The following ADGRL4 variants were observed in gnomAD, a reference collection of about 807,000 sequenced individuals.
ADGRL4 encodes the protein adhesion G protein-coupled receptor L4.
A neutral mutation model predicts 74.8 loss-of-function variants in ADGRL4; 90 were observed. The observed-to-expected ratio is 1.20, with a 90% CI of 1.02 to 1.43. The LOEUF is 1.43. Among genes scored for constraint, ADGRL4 ranks in the 40% most tolerant of loss-of-function variants. The pLI is 0.00. For missense variants in ADGRL4, 881 were observed against 814.3 expected (o/e 1.08, Z -1.00); for synonymous variants, 311 against 279.2 (o/e 1.11, Z -1.14).
chr1:78,931,220 A>G (rs1033273896), intron 7 of ADGRL4, among the ~76,000 whole-genome samples: 1 of 150,816 alleles, frequency 6.6e-6, no homozygotes, highest in Non-Finnish European at 1.5e-5. Context: ...TCATCAGACT[A>G]AGAATGGACC....
chr1:79,002,725 C>A (rs1466674610), intron 2 of ADGRL4, among the ~76,000 whole-genome samples: 1 of 151,860 alleles, frequency 6.6e-6, no homozygotes, highest in East Asian at 1.9e-4. Context: ...GACTATAAGG[C>A]CTCTGTTAAT....
At chr1:78,923,838 C>T (rs1649051473) in intron 8 of ADGRL4, among the ~76,000 whole-genome samples, 2 of 151,658 alleles carry the variant, frequency 1.3e-5, no homozygotes, top group Non-Finnish European at 2.9e-5. Flanking sequence ...ATTAGAAGCT[C>T]TGCTGGGAAG....
rs190827624 is a variant in ADGRL4, at chr1:78,902,531, G to T, written c.1750-9342C>A. Among the ~76,000 whole-genome samples, 543 of 152,214 alleles carry T rather than the reference G, an allele frequency of 3.6e-3. 2 individuals are homozygous for T. Among genetic ancestry groups the T allele is most frequent in the Admixed American group, 6.9e-3 (106 of 15,254 alleles). ...GTAACAGAGCCAATATTCATACCTA[G>T]TAGACAGGTTCTAGAGTTTATGCTC... On this transcript the variant is annotated intron_variant, in intron 12 of 14. Transcript: ENST00000370742.
At chr1:79,006,588 T>A (rs1650967059) in intron 1 of ADGRL4, 45 bp downstream of exon 1, 2 of 1,533,372 alleles carry the variant, frequency 1.3e-6, no homozygotes, top group Non-Finnish European at 1.8e-6. Context: ...TACAAGGGAT[T>A]GGTCCCTCCG....
intron 2 of ADGRL4, among the ~76,000 whole-genome samples, chr1:78,974,965 T>C (rs1341420383): frequency 6.6e-6 from 1 of 152,198 alleles, no homozygotes; most frequent in Non-Finnish European, 1.5e-5. Flanking sequence ...AATTAAGGAA[T>C]GGGCATCTTT....
At chr1:78,979,593 G>A (rs1602050) in intron 2 of ADGRL4, among the ~76,000 whole-genome samples, 24,135 of 151,780 alleles carry the variant, frequency 0.16, 2,079 homozygotes, top group Middle Eastern at 0.21. Context: ...AAAGACACAC[G>A]CACACACATG....
At chr1:78,923,642 T>A (rs10047130) in intron 8 of ADGRL4, among the ~76,000 whole-genome samples, 23,766 of 151,768 alleles carry the variant, frequency 0.16, 2,042 homozygotes, top group Middle Eastern at 0.21. Flanking sequence ...ATAGCTTTTT[T>A]AAAAAAATAT....
chr1:78,929,241 C>T (rs758898862), intron 7 of ADGRL4, among the ~76,000 whole-genome samples: 24 of 151,488 alleles, frequency 1.6e-4, no homozygotes, highest in Admixed American at 6.6e-4. Flanking sequence ...AGGGGCCAGG[C>T]ACAGTGGTTC....
At chr1:79,004,942 C>A in intron 2 of ADGRL4, 128 bp downstream of exon 2, 1 of 724,082 alleles carries the variant, frequency 1.4e-6, no homozygotes, top group Non-Finnish European at 2.1e-6. Flanking sequence ...GCTACTTACG[C>A]GTTTTTTAAA....
intron 2 of ADGRL4, among the ~76,000 whole-genome samples, chr1:79,003,241 G>A (rs1650878825): frequency 1.3e-5 from 2 of 151,900 alleles, no homozygotes; most frequent in African/African-American, 4.8e-5. Context: ...ATTCTAAAGA[G>A]CATATTAACT....
At chr1:78,976,706 A>G (rs1184696604) in intron 2 of ADGRL4, among the ~76,000 whole-genome samples, 1 of 149,212 alleles carries the variant, frequency 6.7e-6, no homozygotes. Context: ...TCCATAAAAA[A>G]CACAAACAAT....
chr1:78,891,724 A>C (rs538577926), intron 13 of ADGRL4, 32 bp from the exon 14 acceptor site: 40 of 1,584,272 alleles, frequency 2.5e-5, no homozygotes, highest in African/African-American at 1.9e-4. Flanking sequence ...TCAGTGAAGA[A>C]AGCTACGTAT....
chr1:78,989,735 A>T (rs1205617256), intron 2 of ADGRL4, among the ~76,000 whole-genome samples: 2 of 152,074 alleles, frequency 1.3e-5, no homozygotes, highest in Admixed American at 6.6e-5. Flanking sequence ...CCCATCAAAA[A>T]CAATTTTGTC....
At chr1:78,952,672 A>G (rs1649754310) in intron 2 of ADGRL4, among the ~76,000 whole-genome samples, 3 of 152,306 alleles carry the variant, frequency 2.0e-5, no homozygotes, top group Non-Finnish European at 4.4e-5. Flanking sequence ...ACTCAAGTTC[A>G]ATTTAGTAAA....
rs560846895 is a variant in ADGRL4, at chr1:78,981,188, A to T, written c.172+23882T>A. ...CCCCAAAGCAGTCATATTGTTATGC[A>T]AACTCCAAAGGAGACAGAAGAAAAA... On this transcript the variant is annotated intron_variant, in intron 2 of 14. Coordinates refer to ENST00000370742, the MANE Select transcript of ADGRL4 (RefSeq NM_022159.4). Among the ~76,000 whole-genome samples the T allele has an allele frequency of 2.0e-5, 3 of 152,078 alleles. No homozygotes were observed. In the South Asian group the frequency reaches 6.2e-4, roughly 31 times the overall value.
intron 2 of ADGRL4, among the ~76,000 whole-genome samples, chr1:78,995,353 C>A (rs537179184): frequency 6.2e-4 from 95 of 152,266 alleles, no homozygotes; most frequent in African/African-American, 2.2e-3. Context: ...AAAAACGCTT[C>A]CTTTATGTGC....
chr1:78,960,198 T>C (rs1649920996), intron 2 of ADGRL4, among the ~76,000 whole-genome samples: 1 of 152,148 alleles, frequency 6.6e-6, no homozygotes, highest in African/African-American at 2.4e-5. Flanking sequence ...GAAATAAAAA[T>C]GTGGCTTTAA....
chr1:78,924,493 AG>A (rs1372847314), intron 8 of ADGRL4, among the ~76,000 whole-genome samples: 4 of 151,962 alleles, frequency 2.6e-5, no homozygotes, highest in Non-Finnish European at 4.4e-5. Context: ...TGATGGGGGA[AG>A]GGAAGGCATG....
At chr1:78,902,423 CTTA>C (rs1557491423) in intron 12 of ADGRL4, among the ~76,000 whole-genome samples, 2 of 152,046 alleles carry the variant, frequency 1.3e-5, no homozygotes, top group Non-Finnish European at 2.9e-5. Flanking sequence ...TGTTGTTGCT[CTTA>C]TTATTACATT....
Sources: gnomAD v4.1 joint callset for allele counts (sites outside exome capture counted in the v4.1 genomes callset) on GRCh38, gnomAD v4.1.1 for gene constraint, MANE v1.5 for transcripts, NCBI Gene and HGNC (gene_info 2026-07-23, HGNC 2026-07-21) for gene names.